Variants in ELMOD1 observed in about 807,000 individuals in gnomAD.
ELMOD1 encodes the protein ELMO domain-containing protein 1.
A neutral mutation model predicts 46.7 loss-of-function variants in ELMOD1; 21 were observed. The ratio of observed to expected loss-of-function variants is 0.45; its 90% CI spans 0.32 to 0.65. ELMOD1 has a LOEUF of 0.65. ELMOD1 is among the 30% of genes least tolerant of loss of function. ELMOD1 has a pLI of 0.04. For missense variants in ELMOD1, 348 were observed against 407.8 expected (o/e 0.85, Z 1.26); for synonymous variants, 122 against 138.2 (o/e 0.88, Z 0.82).
chr11:107,597,066 A>G (rs147544589), intron 1 of ELMOD1, among the ~76,000 whole-genome samples: 9 of 152,192 alleles, frequency 5.9e-5, no homozygotes, highest in African/African-American at 2.2e-4. Flanking sequence ...TATGGAAGCC[A>G]ACATAGAAGC....
At chr11:107,645,426 C>T (rs1373660353) in intron 6 of ELMOD1, among the ~76,000 whole-genome samples, 1 of 152,064 alleles carries the variant, frequency 6.6e-6, no homozygotes, top group Non-Finnish European at 1.5e-5. Flanking sequence ...TGGGTTCAAG[C>T]AATTCTCCTG....
intron 5 of ELMOD1, among the ~76,000 whole-genome samples, chr11:107,635,323 C>T (rs1045453270): frequency 6.6e-6 from 1 of 152,104 alleles, no homozygotes; most frequent in African/African-American, 2.4e-5. Flanking sequence ...CTTTGTTGCC[C>T]AGGCTGGTTT....
At chr11:107,644,840 G>A (rs2135703431) in intron 6 of ELMOD1, among the ~76,000 whole-genome samples, 1 of 152,178 alleles carries the variant, frequency 6.6e-6, no homozygotes, top group African/African-American at 2.4e-5. Context: ...AAATGAATGT[G>A]ACGAACTTTA....
rs762669541 is a variant in ELMOD1 at position 107,650,922 on chromosome 11, GT to G, written c.647+19del. The stretch of plus-strand genomic sequence containing the variant: ...AGAAGAAATAAGGTATTTTTTCTTT[GT>G]TTTTGTGTTTTATTGCTTTTATTTT... On this transcript the variant is annotated intron_variant, in intron 9 of 11. Coordinates refer to ENST00000265840, the MANE Select transcript of ELMOD1 (RefSeq NM_018712.4). 1 of 1,101,918 alleles carries G rather than the reference GT, an allele frequency of 9.1e-7. No individual in the cohort carries two copies. Among genetic ancestry groups the G allele is most frequent in the South Asian group, 1.8e-5 (1 of 56,584 alleles). 68.3% of individuals were successfully genotyped at this position (1,101,918 alleles called of 1,614,324 possible). A position where few individuals can be genotyped will look rare whatever the true frequency, so the allele number is the denominator to read the frequency against.
intron 6 of ELMOD1, among the ~76,000 whole-genome samples, chr11:107,638,814 T>C (rs1223321862): frequency 6.6e-6 from 1 of 152,210 alleles, no homozygotes; most frequent in East Asian, 1.9e-4. Flanking sequence ...AGAGAGACCG[T>C]ACAGCTCATA....
intron 1 of ELMOD1, among the ~76,000 whole-genome samples, chr11:107,601,254 T>A (rs1375285757): frequency 6.6e-6 from 1 of 151,990 alleles, no homozygotes; most frequent in Admixed American, 6.6e-5. Context: ...ATGTTTCTCC[T>A]TTCTCAATTC....
At chr11:107,639,362 G>A (rs1387944878) in intron 6 of ELMOD1, among the ~76,000 whole-genome samples, 2 of 152,062 alleles carry the variant, frequency 1.3e-5, no homozygotes, top group Non-Finnish European at 2.9e-5. Flanking sequence ...GGATGAAATT[G>A]AATAATATCA....
At chr11:107,654,265 A>G in intron 10 of ELMOD1, 43 bp downstream of exon 10, 1 of 1,511,702 alleles carries the variant, frequency 6.6e-7, no homozygotes, top group Non-Finnish European at 9.1e-7. Context: ...CGTCTGAAAC[A>G]GAACCAGAAC....
chr11:107,662,802 G>T (rs530591684), intron 11 of ELMOD1, among the ~76,000 whole-genome samples: 1 of 151,766 alleles, frequency 6.6e-6, no homozygotes, highest in Non-Finnish European at 1.5e-5. Context: ...GCACACGCTC[G>T]AATTGCTTGA....
chr11:107,614,588 C>T (rs1159484795), intron 1 of ELMOD1, among the ~76,000 whole-genome samples: 1 of 152,244 alleles, frequency 6.6e-6, no homozygotes, highest in Non-Finnish European at 1.5e-5. Flanking sequence ...CCACCCGCCT[C>T]GGCCTCCCAA....
intron 11 of ELMOD1, among the ~76,000 whole-genome samples, chr11:107,663,099 C>G (rs1376778883): frequency 6.6e-6 from 1 of 152,060 alleles, no homozygotes; most frequent in East Asian, 1.9e-4. Context: ...CAGAGAAGTT[C>G]AAGCCTGAAT....
chr11:107,661,745 A>G (rs576146888), intron 11 of ELMOD1, among the ~76,000 whole-genome samples: 34 of 152,376 alleles, frequency 2.2e-4, no homozygotes, highest in African/African-American at 8.2e-4. Flanking sequence ...CTTTAGTGAC[A>G]CAAGTTTCAT....
rs190265745 is a variant in ELMOD1, at chr11:107,624,417, G to A, written c.18-6000G>A. ...TATAATCCTAGCACTTTGGGAGGCT[G>A]AGGCAGGCAGATTGCTCAAGCCCAT... On this transcript the variant is annotated intron_variant, in intron 2 of 11. Transcript: ENST00000265840. Among the ~76,000 whole-genome samples the A allele has an allele frequency of 4.8e-3, 732 of 152,290 alleles. 5 individuals are homozygous for A. The highest frequency in any genetic ancestry group is 0.016 in the African/African-American group (665 of 41,562).
intron 5 of ELMOD1, among the ~76,000 whole-genome samples, chr11:107,632,114 G>C (rs1866151636): frequency 6.6e-6 from 1 of 152,148 alleles, no homozygotes; most frequent in South Asian, 2.1e-4. Flanking sequence ...GTTTCTACCT[G>C]CTTGTCAAGA....
At chr11:107,606,818 C>CAA (rs918489706) in intron 1 of ELMOD1, among the ~76,000 whole-genome samples, 9 of 143,670 alleles carry the variant, frequency 6.3e-5, no homozygotes, top group African/African-American at 2.0e-4. Flanking sequence ...GACTCTGTCT[C>CAA]AAAAAAAAAA....
chr11:107,629,640 C>T (rs961406012), intron 2 of ELMOD1, among the ~76,000 whole-genome samples: 1 of 152,114 alleles, frequency 6.6e-6, no homozygotes, highest in African/African-American at 2.4e-5. Flanking sequence ...TCATTTGTTG[C>T]GGTATTGCTG....
In ELMOD1 at chr11:107,635,720, G is replaced by C. The variant is rs778757578; in HGVS notation, c.375G>C (p.Glu125Asp). 5 of 1,613,904 alleles carry C rather than the reference G, an allele frequency of 3.1e-6. No individual in the cohort carries two copies. The highest frequency in any genetic ancestry group is 4.2e-6 in the Non-Finnish European group (5 of 1,179,860). Reference sequence around the variant, plus strand: ...CAGATGTGGAAAAACTGCGTAGAGAGGCCTATGATTCTGATAATCCCCAAC... The same window carrying C: ...CAGATGTGGAAAAACTGCGTAGAGACGCCTATGATTCTGATAATCCCCAAC... ...LIADVEKLRR[E>D]AYDSDNPQHE... The change falls in exon 6 of 12, where the codon GAG becomes GAC. Residue 125 changes from glutamate (E) to aspartate (D), a missense_variant. Transcript: ENST00000265840.
Position 107,650,912 on chromosome 11 carries a change from T to C in ELMOD1, c.647+4T>C, listed in dbSNP as rs115361441. The C allele has an allele frequency of 1.0e-3, 1,187 of 1,130,582 alleles. 9 individuals carry two copies. In the African/African-American group the frequency reaches 0.018, roughly 17 times the overall value. 70.0% of individuals were successfully genotyped at this position (1,130,582 alleles called of 1,614,324 possible). The stretch of plus-strand genomic sequence containing the variant: ...ATATCACTAAAGAAGAAATAAGGTA[T>C]TTTTTCTTTGTTTTTGTGTTTTATT... On this transcript the variant is annotated splice_donor_region_variant and intron_variant, in intron 9 of 11. Coordinates refer to ENST00000265840, the MANE Select transcript of ELMOD1 (RefSeq NM_018712.4).
intron 1 of ELMOD1, chr11:107,592,341 C>T (rs1455735277): frequency 3.7e-6 from 2 of 533,966 alleles, no homozygotes; most frequent in Non-Finnish European, 3.8e-6. Flanking sequence ...TGCTAACCCC[C>T]AGTGGGCCGT....
Sources: allele counts gnomAD v4.1 joint callset (sites outside exome capture counted in the v4.1 genomes callset), GRCh38; gene constraint gnomAD v4.1.1; transcripts MANE v1.5; gene names NCBI Gene and HGNC (gene_info 2026-07-23, HGNC 2026-07-21).